RALGAPA2: variants seen among roughly 807,000 people sequenced by gnomAD.
RALGAPA2 encodes the protein Ral GTPase activating protein catalytic subunit alpha 2, also known as ral GTPase-activating protein subunit alpha-2.
In RALGAPA2, 139 loss-of-function variants were observed where a neutral mutation model predicts 230.4. That is an observed-to-expected ratio of 0.60 (90% CI 0.53 to 0.69). The LOEUF (loss-of-function observed/expected upper bound fraction) is 0.69. Ranked by LOEUF, RALGAPA2 falls within the 30% of genes least tolerant of loss-of-function variation. RALGAPA2 has a pLI of 0.00. For synonymous variants in RALGAPA2, 847 were observed against 837.8 expected (o/e 1.01, Z -0.19); for missense variants, 2,163 against 2,276.0 (o/e 0.95, Z 1.01).
chr20:20,419,447 C>T lies in RALGAPA2; in HGVS notation c.5496-7299G>A, dbSNP rs937095766. ...CAAAGAAGTCCATTTGACTCAGACA[C>T]AGAGAAAGCAGAAAAGAGACAGTAC... On this transcript the variant is annotated intron_variant, in intron 37 of 39. Transcript: ENST00000202677. Among the ~76,000 whole-genome samples the T allele has an allele frequency of 2.0e-5, 3 of 152,062 alleles. No homozygotes were observed. In the East Asian group the frequency reaches 5.8e-4, roughly 29 times the overall value.
chr20:20,683,437 C>T (rs998515163), intron 1 of RALGAPA2, among the ~76,000 whole-genome samples: 1 of 152,178 alleles, frequency 6.6e-6, no homozygotes, highest in South Asian at 2.1e-4. Context: ...CCTGATTTCC[C>T]CCACTCAACA....
intron 10 of RALGAPA2, among the ~76,000 whole-genome samples, chr20:20,627,719 T>C (rs1207389291): frequency 6.6e-6 from 1 of 152,244 alleles, no homozygotes; most frequent in Non-Finnish European, 1.5e-5. Flanking sequence ...CTCTGTAGCA[T>C]TGCATTATGC....
At chr20:20,425,766 CA>C (rs1237671812) in intron 37 of RALGAPA2, among the ~76,000 whole-genome samples, 7 of 151,688 alleles carry the variant, frequency 4.6e-5, no homozygotes, top group Non-Finnish European at 1.0e-4. Context: ...CCTATCAGAG[CA>C]AAAAAAATAA....
chr20:20,603,258 G>T (rs1387468704), intron 15 of RALGAPA2, among the ~76,000 whole-genome samples: 2 of 152,166 alleles, frequency 1.3e-5, no homozygotes, highest in Non-Finnish European at 2.9e-5. Context: ...CTGTTCCACT[G>T]GATTGCCATG....
At chr20:20,652,275 C>T (rs1450389227) in intron 4 of RALGAPA2, among the ~76,000 whole-genome samples, 1 of 152,072 alleles carries the variant, frequency 6.6e-6, no homozygotes, top group Non-Finnish European at 1.5e-5. Context: ...ATATTGATCT[C>T]CCACCCAGAA....
chr20:20,528,236 T>C (rs543003019), intron 27 of RALGAPA2, among the ~76,000 whole-genome samples: 6 of 152,282 alleles, frequency 3.9e-5, no homozygotes, highest in African/African-American at 1.4e-4. Flanking sequence ...ATTTGCTCTC[T>C]CACTTCTCCA....
chr20:20,455,552 A>C (rs2061095284), intron 37 of RALGAPA2, among the ~76,000 whole-genome samples: 1 of 152,234 alleles, frequency 6.6e-6, no homozygotes, highest in Non-Finnish European at 1.5e-5. Context: ...ATGGTCTTCC[A>C]AGGCAGAACG....
Position 20,412,032 on chromosome 20 carries a change from C to T in RALGAPA2, c.5612G>A (p.Gly1871Glu), listed in dbSNP as rs1328144175. ...FSPSPSYSLS[G>E]TD ...AGAATAATGTAGACACTCACCCGTT[C>T]CGCTGAGGGAGTAGCTGGGAGAGGG... The change falls in exon 38 of 40, where the codon GGA (glycine) becomes GAA (glutamate). Residue 1871 changes from glycine (G) to glutamate (E), a missense_variant. Gly to Glu is a moderately conservative substitution (Grantham distance 98). Transcript: ENST00000202677. 1 of 1,613,862 alleles carries T rather than the reference C, an allele frequency of 6.2e-7. No individual in the cohort carries two copies. The highest frequency in any genetic ancestry group is 1.3e-5 in the African/African-American group (1 of 74,936).
At chr20:20,631,215 T>C (rs1323053488) in intron 9 of RALGAPA2, among the ~76,000 whole-genome samples, 1 of 152,218 alleles carries the variant, frequency 6.6e-6, no homozygotes, top group African/African-American at 2.4e-5. Flanking sequence ...AAGTCCCATA[T>C]GAGCCCAGCT....
In RALGAPA2 at chr20:20,583,233, C is replaced by G; in HGVS notation, c.2531-7G>C. The G allele has an allele frequency of 6.3e-7, 1 of 1,583,056 alleles. No individual in the cohort carries two copies. On this transcript the variant is annotated splice_polypyrimidine_tract_variant and splice_region_variant and intron_variant, in intron 19 of 39. Coordinates refer to ENST00000202677, the MANE Select transcript of RALGAPA2 (RefSeq NM_020343.4). ...TCACTGTTGGTACTTTCACCTGGTA[C>G]AATGGAAGAACCAAAGTTTAAGATA...
chr20:20,425,421 C>A (rs886879432), intron 37 of RALGAPA2, among the ~76,000 whole-genome samples: 1 of 151,998 alleles, frequency 6.6e-6, no homozygotes, highest in Admixed American at 6.6e-5. Flanking sequence ...TTCTTCTGTG[C>A]GTTTTAAAAT....
intron 37 of RALGAPA2, among the ~76,000 whole-genome samples, chr20:20,422,112 C>A (rs2060289429): frequency 6.6e-6 from 1 of 152,156 alleles, no homozygotes; most frequent in Non-Finnish European, 1.5e-5. Flanking sequence ...AAATCAGTGG[C>A]TGCTTGGGGC....
chr20:20,511,512 T>C lies in RALGAPA2; in HGVS notation c.4857-187A>G, dbSNP rs550194040. 3.3e-5 allele frequency among the ~76,000 whole-genome samples: 5 copies of C among 152,316 alleles called. No individual in the cohort carries two copies. The South Asian group carries it at 8.3e-4, about 25-fold the overall frequency. On this transcript the variant is annotated intron_variant, in intron 32 of 39. Transcript: ENST00000202677. ...GACATGCAAAGGTATAAAAATTCCATCAGCATCCCATTACTACCCAGTGAC... is the reference window on the plus strand; with the variant it reads ...GACATGCAAAGGTATAAAAATTCCACCAGCATCCCATTACTACCCAGTGAC...
intron 28 of RALGAPA2, among the ~76,000 whole-genome samples, 174 bp downstream of exon 28, chr20:20,526,078 G>T (rs1386934926): frequency 6.6e-6 from 1 of 152,140 alleles, no homozygotes; most frequent in Non-Finnish European, 1.5e-5. Context: ...TCTTTACATA[G>T]TGCCTGAAAT....
At chr20:20,532,901 A>G (rs539762230) in intron 26 of RALGAPA2, among the ~76,000 whole-genome samples, 1 of 152,292 alleles carries the variant, frequency 6.6e-6, no homozygotes, top group East Asian at 1.9e-4. Flanking sequence ...ACTATTCAGG[A>G]AAAGAGTAAC....
intron 20 of RALGAPA2, among the ~76,000 whole-genome samples, chr20:20,580,759 T>C (rs1205498093): frequency 6.6e-6 from 1 of 152,190 alleles, no homozygotes; most frequent in Non-Finnish European, 1.5e-5. Flanking sequence ...TAGCTGTTAT[T>C]TTCAGCAAAC....
At chr20:20,473,923 T>C (rs1002303168) in intron 36 of RALGAPA2, among the ~76,000 whole-genome samples, 8 of 152,206 alleles carry the variant, frequency 5.3e-5, no homozygotes, top group Non-Finnish European at 1.0e-4. Context: ...TTGGACACTG[T>C]TCTACTCACT....
chr20:20,706,201 G>A (rs2069596541), intron 1 of RALGAPA2, among the ~76,000 whole-genome samples: 1 of 152,166 alleles, frequency 6.6e-6, no homozygotes, highest in South Asian at 2.1e-4. Flanking sequence ...TCTTAAACGA[G>A]TTTGGACATT....
chr20:20,561,070 T>C (rs1289895423), intron 23 of RALGAPA2, among the ~76,000 whole-genome samples: 1 of 152,246 alleles, frequency 6.6e-6, no homozygotes, highest in Non-Finnish European at 1.5e-5. Flanking sequence ...AAAGTGAATG[T>C]TCCCTTTTTC....
Sources: allele counts gnomAD v4.1 joint callset (sites outside exome capture counted in the v4.1 genomes callset), GRCh38; gene constraint gnomAD v4.1.1; transcripts MANE v1.5; gene names NCBI Gene and HGNC (gene_info 2026-07-23, HGNC 2026-07-21).